Variants in MOSPD2 observed in about 807,000 individuals in gnomAD.
The protein encoded by MOSPD2 is motile sperm domain containing 2, also known as motile sperm domain-containing protein 2.
Under a neutral mutation model 41.7 loss-of-function variants are expected in MOSPD2, and 5 were observed. That is an observed-to-expected ratio of 0.12 (90% CI 0.06 to 0.25). The LOEUF is 0.25. Among genes scored for constraint, MOSPD2 ranks in the 10% least tolerant of loss-of-function variants. The probability of loss-of-function intolerance (pLI) is 1.00; values close to 1 mark genes in which losing one functional copy is unlikely to be tolerated. For synonymous variants in MOSPD2, 115 were observed against 126.9 expected, an observed-to-expected ratio of 0.91 and a Z score of 0.63; for missense variants, 282 against 375.2, an observed-to-expected ratio of 0.75 and a Z score of 2.05.
In MOSPD2 at chrX:14,885,796, A is replaced by G. The variant is rs904268318; in HGVS notation, c.80-6927A>G. ...AAAAAACTGAAGCGAATAACTTAAT[A>G]TTTGTTAATTTTGGGTTACAGCTAC... On this transcript the variant is annotated intron_variant, in intron 2 of 14. Coordinates refer to ENST00000380492, the MANE Select transcript of MOSPD2 (RefSeq NM_152581.4). 1.3e-4 allele frequency among the ~76,000 whole-genome samples: 15 copies of G among 111,472 alleles called. No homozygotes were observed. In the Admixed American group the frequency reaches 1.4e-3, roughly 11 times the overall value.
In MOSPD2 at chrX:14,919,833, A is replaced by G. The variant is rs147471151; in HGVS notation, c.*24A>G. ...AAAGAAGTGGTGCCGGGTAGGAACC[A>G]CGGTTCCTTCGTCCATTAGTTGGAA... On this transcript the variant is annotated 3_prime_UTR_variant, in exon 15 of 15. Coordinates refer to ENST00000380492, the MANE Select transcript of MOSPD2 (RefSeq NM_152581.4). The G allele has an allele frequency of 7.7e-5, 92 of 1,187,225 alleles. 1 individual carries two copies. In the African/African-American group the frequency reaches 1.5e-3, roughly 19 times the overall value.
At position 14,918,686 on chromosome X, in the gene MOSPD2, A is replaced by G. The variant is rs769298243; in HGVS notation, c.1323A>G (p.Arg441=). ...PRNKVMEHRL[R]CHTVESSKPN... is the part of the protein sequence containing the mutation. ...TTTCTTTGGATTTTAATAGGTTAAG[A>G]TGCCATACTGTTGAAAGCAGTAAAC... is the stretch of plus-strand genomic sequence containing the variant. Residue 441 remains arginine (R), a synonymous_variant, in exon 14 of 15, where the codon AGA becomes AGG. Transcript: ENST00000380492. 1 of 1,175,712 alleles carries G rather than the reference A, an allele frequency of 8.5e-7. No homozygotes were observed. Among genetic ancestry groups the G allele is most frequent in the Admixed American group, 2.3e-5 (1 of 43,155 alleles).
intron 7 of MOSPD2, among the ~76,000 whole-genome samples, chrX:14,903,455 C>A (rs1364990515): frequency 5.4e-5 from 6 of 111,916 alleles, no homozygotes; most frequent in Admixed American, 9.5e-5. Flanking sequence ...GAACACAGGC[C>A]TTGTCTAGGT....
intron 2 of MOSPD2, among the ~76,000 whole-genome samples, chrX:14,877,419 C>T (rs191229963): frequency 2.6e-3 from 283 of 109,997 alleles, no homozygotes; most frequent in African/African-American, 8.7e-3. Context: ...CTTGGCTCCA[C>T]ACAACCTCTG....
chrX:14,894,315 G>GTT (rs2092559088), intron 3 of MOSPD2, among the ~76,000 whole-genome samples: 1 of 60,045 alleles, frequency 1.7e-5, no homozygotes, highest in African/African-American at 7.1e-5. Context: ...TTTATTGATT[G>GTT]ATTTTTTTTT....
intron 5 of MOSPD2, among the ~76,000 whole-genome samples, chrX:14,899,565 TACACACACACACAC>T (rs59555716): frequency 4.1e-4 from 33 of 81,052 alleles, no homozygotes; most frequent in African/African-American, 1.4e-3. Context: ...ATTATATACA[TACACACACACACAC>T]ACACACACAC....
At chrX:14,881,684 C>G (rs779477373) in intron 2 of MOSPD2, among the ~76,000 whole-genome samples, 2 of 111,884 alleles carry the variant, frequency 1.8e-5, no homozygotes, top group South Asian at 7.4e-4. Flanking sequence ...GATAAATAAA[C>G]AGACACACTT....
At chrX:14,911,178 AAG>A in intron 8 of MOSPD2, 57 bp from the exon 9 acceptor site, 5 of 990,252 alleles carry the variant, frequency 5.0e-6, no homozygotes, top group Non-Finnish European at 7.0e-6. Flanking sequence ...TAAATCTACT[AAG>A]AGAGTTATTT....
intron 2 of MOSPD2, among the ~76,000 whole-genome samples, chrX:14,879,612 T>G (rs1327782745): frequency 2.7e-5 from 3 of 111,070 alleles, no homozygotes; most frequent in Non-Finnish European, 5.7e-5. Flanking sequence ...TTTTTAAGAG[T>G]GTAAAAGGTG....
intron 7 of MOSPD2, among the ~76,000 whole-genome samples, chrX:14,905,155 TCTTA>T (rs1411357208): frequency 1.8e-5 from 2 of 111,605 alleles, no homozygotes; most frequent in East Asian, 5.7e-4. Context: ...ACAGCTAACA[TCTTA>T]CTTAGCAGGG....
chrX:14,889,311 A>G (rs1443545828), intron 2 of MOSPD2, among the ~76,000 whole-genome samples: 2 of 111,808 alleles, frequency 1.8e-5, no homozygotes, highest in Non-Finnish European at 3.8e-5. Flanking sequence ...TGAAATTTCC[A>G]ATCGCTTGAG....
intron 13 of MOSPD2, among the ~76,000 whole-genome samples, chrX:14,916,810 T>A (rs2092600951): frequency 9.0e-6 from 1 of 111,608 alleles, no homozygotes; most frequent in Non-Finnish European, 1.9e-5. Context: ...GTGAGAAAAA[T>A]TGGTTATGGA....
intron 4 of MOSPD2, 115 bp from the exon 5 acceptor site, chrX:14,896,969 G>A (rs1428781636): frequency 1.7e-6 from 1 of 591,225 alleles, no homozygotes; most frequent in Non-Finnish European, 2.4e-6. Flanking sequence ...AGATGTTTTT[G>A]ATCTAAGAAA....
intron 9 of MOSPD2, among the ~76,000 whole-genome samples, chrX:14,911,672 G>A (rs1282379443): frequency 8.9e-6 from 1 of 111,951 alleles, no homozygotes; most frequent in African/African-American, 3.2e-5. Flanking sequence ...AGGATCGCTT[G>A]AGCACCGGAG....
chrX:14,905,502 G>C (rs12837514), intron 7 of MOSPD2, among the ~76,000 whole-genome samples: 1 of 106,873 alleles, frequency 9.4e-6, no homozygotes, highest in African/African-American at 3.4e-5. Flanking sequence ...CTTTTTTTTT[G>C]TTTGTTTTTT....
At chrX:14,894,196 A>T (rs1698347216) in intron 3 of MOSPD2, among the ~76,000 whole-genome samples, 1 of 106,655 alleles carries the variant, frequency 9.4e-6, no homozygotes, top group Admixed American at 1.0e-4. Context: ...CAGTGTTGTG[A>T]TCATAGCTCA....
At chrX:14,877,784 G>A (rs1214325824) in intron 2 of MOSPD2, among the ~76,000 whole-genome samples, 13 of 104,709 alleles carry the variant, frequency 1.2e-4, no homozygotes, top group African/African-American at 3.5e-4. Context: ...CCATCCTGGC[G>A]AACACGGTGA....
chrX:14,910,977 A>G (rs2092590732), intron 8 of MOSPD2, among the ~76,000 whole-genome samples: 1 of 110,836 alleles, frequency 9.0e-6, no homozygotes, highest in Admixed American at 9.6e-5. Flanking sequence ...ATATACATTT[A>G]AAGCTTTTAT....
Position 14,920,115 on chromosome X carries a change from A to C in MOSPD2, c.*306A>C. The C allele has an allele frequency of 1.3e-6, 1 of 743,588 alleles. No individual in the cohort carries two copies. Among genetic ancestry groups the C allele is most frequent in the Non-Finnish European group, 1.6e-6 (1 of 623,387 alleles). The allele number at this position is 743,588 out of a possible 1,213,427, so 61.3% of individuals were successfully genotyped here. On this transcript the variant is annotated 3_prime_UTR_variant, in exon 15 of 15. Coordinates refer to ENST00000380492, the MANE Select transcript of MOSPD2 (RefSeq NM_152581.4). Reference sequence around the variant, plus strand: ...TTTGATCTGAATACTTTTAAAGCTTAAGTTTTATCGTGTAAATACATTAGC... The same window carrying C: ...TTTGATCTGAATACTTTTAAAGCTTCAGTTTTATCGTGTAAATACATTAGC...
Sources: gnomAD v4.1 joint callset for allele counts (sites outside exome capture counted in the v4.1 genomes callset) on GRCh38, gnomAD v4.1.1 for gene constraint, MANE v1.5 for transcripts, NCBI Gene and HGNC (gene_info 2026-07-23, HGNC 2026-07-21) for gene names.